Variants in NXPE2 observed in about 807,000 individuals in gnomAD.
NXPE2 encodes NXPE family member 2.
NXPE2 carries 34 observed loss-of-function variants against 34.4 expected under a neutral mutation model. The observed-to-expected ratio is 0.99, with a 90% CI of 0.75 to 1.31. The LOEUF is 1.31. Ranked by LOEUF, NXPE2 falls within the 40% of genes most tolerant of loss-of-function variation. The probability of loss-of-function intolerance (pLI) is 0.00; values close to 1 mark genes in which losing one functional copy is unlikely to be tolerated. For synonymous variants in NXPE2, 235 were observed against 231.3 expected, an observed-to-expected ratio of 1.02 and a Z score of -0.15; for missense variants, 649 against 672.5, an observed-to-expected ratio of 0.97 and a Z score of 0.39.
the NXPE2 span, among the ~76,000 whole-genome samples, chr11:114,508,391 T>C: frequency 6.6e-6 from 1 of 152,184 alleles, no homozygotes; most frequent in Admixed American, 6.5e-5. Context: ...TAGAAAAAAC[T>C]ATTTTAAAAT....
the NXPE2 span, among the ~76,000 whole-genome samples, chr11:114,600,618 C>T: frequency 6.6e-6 from 1 of 152,008 alleles, no homozygotes; most frequent in Non-Finnish European, 1.5e-5. Context: ...AAGCAACTGT[C>T]CCCAGCTAAG....
In NXPE2 at chr11:114,705,975, T is replaced by C; in HGVS notation, c.1123T>C (p.Tyr375His). The C allele has an allele frequency of 7.0e-7, 1 of 1,424,780 alleles. No individual in the cohort carries two copies. The highest frequency in any genetic ancestry group is 9.2e-7 in the Non-Finnish European group (1 of 1,084,716). The allele number at this position is 1,424,780 out of a possible 1,614,324, so 88.3% of individuals were successfully genotyped here. The change falls in exon 5 of 6, where the codon TAC (tyrosine) becomes CAC (histidine). Residue 375 changes from tyrosine (Y) to histidine (H), a missense_variant. Tyr to His is a moderately conservative substitution (Grantham distance 83). Coordinates refer to ENST00000389586, the MANE Select transcript of NXPE2 (RefSeq NM_182495.6). ...TTCAACACTGCATCAGTGGATTTAC[T>C]ACTTACAAAAAGCTGTGAAAAGTAT... Reference protein sequence around the residue: ...GDSTLHQWIYYLQKAVKTLKY... With the variant: ...GDSTLHQWIYHLQKAVKTLKY...
the NXPE2 span, among the ~76,000 whole-genome samples, chr11:114,770,354 T>C: frequency 6.6e-6 from 1 of 152,068 alleles, no homozygotes; most frequent in South Asian, 2.1e-4. Flanking sequence ...CTTTCCAGAG[T>C]GGATGCAATG....
the NXPE2 span, chr11:114,571,085 A>T: frequency 2.5e-6 from 4 of 1,613,982 alleles, no homozygotes; most frequent in Non-Finnish European, 3.4e-6. Flanking sequence ...TTATGATGAG[A>T]TATTGAATGT....
chr11:114,595,971 T>A, the NXPE2 span, among the ~76,000 whole-genome samples: 1 of 152,158 alleles, frequency 6.6e-6, no homozygotes, highest in Non-Finnish European at 1.5e-5. Flanking sequence ...GAGTGTTTGA[T>A]AAATAATTGT....
At chr11:114,737,068 C>T in the NXPE2 span, among the ~76,000 whole-genome samples, 9 of 152,328 alleles carry the variant, frequency 5.9e-5, no homozygotes, top group East Asian at 3.9e-4. Flanking sequence ...CACACACACA[C>T]GTTGTAAAAC....
chr11:114,583,003 A>G, the NXPE2 span: 1 of 1,611,234 alleles, frequency 6.2e-7, no homozygotes. Flanking sequence ...GAGATGGATA[A>G]GTTTAGAGCA....
the NXPE2 span, among the ~76,000 whole-genome samples, chr11:114,800,049 C>A: frequency 1.3e-5 from 2 of 152,182 alleles, no homozygotes; most frequent in African/African-American, 2.4e-5. Context: ...TGACTTCCGG[C>A]TATTTGGATC....
the NXPE2 span, chr11:114,550,967 G>A: frequency 6.7e-6 from 4 of 596,614 alleles, no homozygotes; most frequent in African/African-American, 1.9e-5. Flanking sequence ...TAAGGAGTTA[G>A]GTAGAGAGAG....
intron 2 of NXPE2, among the ~76,000 whole-genome samples, chr11:114,683,360 A>G (rs1043302608): frequency 6.6e-6 from 1 of 151,308 alleles, no homozygotes; most frequent in African/African-American, 2.4e-5. Context: ...TGATTTACTC[A>G]TTTATTATGT....
chr11:114,510,820 A>C, the NXPE2 span, among the ~76,000 whole-genome samples: 1 of 152,186 alleles, frequency 6.6e-6, no homozygotes, highest in Admixed American at 6.5e-5. Context: ...TACACAGAAA[A>C]CCAAGCAAAT....
At chr11:114,623,426 A>C in the NXPE2 span, among the ~76,000 whole-genome samples, 1 of 152,124 alleles carries the variant, frequency 6.6e-6, no homozygotes, top group Admixed American at 6.5e-5. Context: ...GCTGGATAAT[A>C]AGTATTCCCT....
chr11:114,775,993 A>C, the NXPE2 span, among the ~76,000 whole-genome samples: 4 of 152,218 alleles, frequency 2.6e-5, no homozygotes, highest in Non-Finnish European at 4.4e-5. Context: ...AGGATGGCAC[A>C]GTGCCACTCA....
chr11:114,637,962 G>A, the NXPE2 span, among the ~76,000 whole-genome samples: 1 of 151,800 alleles, frequency 6.6e-6, no homozygotes, highest in East Asian at 1.9e-4. Context: ...TCTTCTCGAG[G>A]AGTATCTTTG....
the NXPE2 span, among the ~76,000 whole-genome samples, chr11:114,617,286 C>A: frequency 6.6e-6 from 1 of 152,012 alleles, no homozygotes; most frequent in Non-Finnish European, 1.5e-5. Flanking sequence ...TCGTGGATAA[C>A]CACCATTACC....
At chr11:114,573,116 T>G in the NXPE2 span, among the ~76,000 whole-genome samples, 8 of 152,214 alleles carry the variant, frequency 5.3e-5, no homozygotes, top group African/African-American at 1.9e-4. Context: ...AAAACTAAGC[T>G]TCGTAAATGA....
At chr11:114,641,674 G>C in the NXPE2 span, among the ~76,000 whole-genome samples, 1 of 151,976 alleles carries the variant, frequency 6.6e-6, no homozygotes, top group South Asian at 2.1e-4. Flanking sequence ...CTAATAGGAG[G>C]TAAAACAAAG....
chr11:114,677,780 A>G (rs765527974), upstream of NXPE2, among the ~76,000 whole-genome samples: 4 of 152,082 alleles, frequency 2.6e-5, no homozygotes, highest in Admixed American at 6.6e-5. Context: ...TCATCTATCT[A>G]TATCTGTATA....
chr11:114,744,034 T>TAA, the NXPE2 span, among the ~76,000 whole-genome samples: 1 of 152,166 alleles, frequency 6.6e-6, no homozygotes, highest in Admixed American at 6.5e-5. Flanking sequence ...TGCTCTCTCA[T>TAA]TGCTCTTGGG....
Sources: allele counts gnomAD v4.1 joint callset (sites outside exome capture counted in the v4.1 genomes callset), GRCh38; gene constraint gnomAD v4.1.1; transcripts MANE v1.5; gene names NCBI Gene and HGNC (gene_info 2026-07-23, HGNC 2026-07-21).